The following RAB14 variants were observed in gnomAD, a reference collection of about 807,000 sequenced individuals.
RAB14 encodes ras-related protein Rab-14.
A neutral mutation model predicts 31.1 loss-of-function variants in RAB14; 3 were observed. That is an observed-to-expected ratio of 0.10 (90% CI 0.04 to 0.25). The LOEUF (loss-of-function observed/expected upper bound fraction) is 0.25. Among genes scored for constraint, RAB14 ranks in the 10% least tolerant of loss-of-function variants. The pLI is 1.00. For missense variants in RAB14, 111 were observed against 260.1 expected (o/e 0.43, Z 3.94); for synonymous variants, 85 against 84.9 (o/e 1.00, Z 0.00).
At chr9:121,189,511 C>T (rs550318348) in intron 4 of RAB14, among the ~76,000 whole-genome samples, 136 of 152,158 alleles carry the variant, frequency 8.9e-4, no homozygotes, top group African/African-American at 3.2e-3. Context: ...CCTTTGAGGC[C>T]ACCCAATTCT....
chr9:121,196,413 T>C (rs1241261320), intron 1 of RAB14, among the ~76,000 whole-genome samples: 2 of 152,178 alleles, frequency 1.3e-5, no homozygotes, highest in Non-Finnish European at 2.9e-5. Flanking sequence ...TTACTATTTA[T>C]TGGGTACTTG....
intron 1 of RAB14, among the ~76,000 whole-genome samples, chr9:121,199,312 G>A (rs2053736856): frequency 6.6e-6 from 1 of 152,180 alleles, no homozygotes; most frequent in Admixed American, 6.5e-5. Flanking sequence ...TATGCTACCT[G>A]ATTTTGTATA....
chr9:121,183,043 C>A, intron 6 of RAB14, 83 bp from the exon 7 acceptor site: 1 of 1,376,808 alleles, frequency 7.3e-7, no homozygotes, highest in Non-Finnish European at 1.0e-6. Context: ...GAAAAAGTTT[C>A]CCATCAGTTT....
intron 4 of RAB14, 129 bp downstream of exon 4, chr9:121,190,425 C>T: frequency 2.3e-6 from 2 of 882,886 alleles, no homozygotes; most frequent in Non-Finnish European, 3.2e-6. Flanking sequence ...ACTTAAGAAA[C>T]CATAAAAAAC....
intron 4 of RAB14, among the ~76,000 whole-genome samples, chr9:121,188,728 A>G (rs939926825): frequency 1.3e-5 from 2 of 152,036 alleles, no homozygotes; most frequent in African/African-American, 4.8e-5. Flanking sequence ...TGACTGCAAC[A>G]CCAAAGTCAC....
At chr9:121,192,141 A>G (rs2053690311) in intron 3 of RAB14, 30 bp downstream of exon 3, 1 of 1,464,670 alleles carries the variant, frequency 6.8e-7, no homozygotes, top group Non-Finnish European at 9.4e-7. Flanking sequence ...AAAGAAAACT[A>G]TTAATGTTTA....
At chr9:121,198,020 A>AACACACACACAC (rs58467154) in intron 1 of RAB14, among the ~76,000 whole-genome samples, 1 of 149,858 alleles carries the variant, frequency 6.7e-6, no homozygotes, top group Non-Finnish European at 1.5e-5. Context: ...CCCACTTTCA[A>AACACACACACAC]ACACACACAC....
rs886831209 is a variant in RAB14 at position 121,181,256 on chromosome 9, A to G, written c.*140T>C. ...TTGTTTAGCAGTTTAGTATTGTGTT[A>G]AACTGTTTTTACAACAGAGTTTTTT... On this transcript the variant is annotated 3_prime_UTR_variant, in exon 8 of 8. Coordinates refer to ENST00000373840, the MANE Select transcript of RAB14 (RefSeq NM_016322.4). 9 of 907,934 alleles carry G rather than the reference A, an allele frequency of 9.9e-6. No homozygotes were observed. Among genetic ancestry groups the G allele is most frequent in the Non-Finnish European group, 1.4e-5 (9 of 637,440 alleles). The allele number at this position is 907,934 out of a possible 1,614,324, so 56.2% of individuals were successfully genotyped here.
chr9:121,186,900 T>C lies in RAB14; in HGVS notation c.351+53A>G. 3.1e-6 allele frequency: 4 copies of C among 1,293,252 alleles called. No homozygotes were observed. In the East Asian group the frequency reaches 1.1e-4, roughly 35 times the overall value. The allele number at this position is 1,293,252 out of a possible 1,614,324, so 80.1% of individuals were successfully genotyped here. On this transcript the variant is annotated intron_variant, in intron 5 of 7. Transcript: ENST00000373840. ...CTCACCAGTAAATGGCTTCCCTTTT[T>C]GGGTTAGCTTAGTTCTTAAATTTTC...
intron 1 of RAB14, among the ~76,000 whole-genome samples, chr9:121,201,201 C>T (rs2053771393): frequency 1.3e-5 from 2 of 152,186 alleles, no homozygotes; most frequent in South Asian, 2.1e-4. Context: ...GGGACCGCCA[C>T]GTCTGGGGCT....
Position 121,181,724 on chromosome 9 carries a change from G to T in RAB14, c.471-151C>A, listed in dbSNP as rs555705347. The T allele has an allele frequency of 3.9e-4, 123 of 312,912 alleles. 4 individuals are homozygous for T. The South Asian group carries it at 0.011, about 28-fold the overall frequency. The allele number at this position is 312,912 out of a possible 1,614,324, so 19.4% of individuals were successfully genotyped here. On this transcript the variant is annotated intron_variant, in intron 7 of 7. Coordinates refer to ENST00000373840, the MANE Select transcript of RAB14 (RefSeq NM_016322.4). ...AGATTACCAGAACACTGAGCTAAGA[G>T]AACATGGAAAACTATTTTCCTTTTT...
In RAB14 at chr9:121,183,386, T is replaced by A. The variant is rs967456339; in HGVS notation, c.364A>T (p.Ile122Leu). The A allele has an allele frequency of 6.2e-7, 1 of 1,601,884 alleles. No homozygotes were observed. Among genetic ancestry groups the A allele is most frequent in the African/African-American group, 1.3e-5 (1 of 74,646 alleles). Residue 122 changes from isoleucine to leucine, a missense_variant, in exon 6 of 8, where the codon ATA becomes TTA. Coordinates refer to ENST00000373840, the MANE Select transcript of RAB14 (RefSeq NM_016322.4). ...GCCTCCAAATCTGCTTTATTTCCTA[T>A]GAGAATTATTACCTAATTTGTGATC... The part of the protein sequence containing the change: ...LTNPNTVIIL[I>L]GNKADLEAQR...
intron 1 of RAB14, among the ~76,000 whole-genome samples, 198 bp from the exon 2 acceptor site, chr9:121,193,617 C>T (rs1468166995): frequency 6.6e-6 from 1 of 152,134 alleles, no homozygotes; most frequent in African/African-American, 2.4e-5. Context: ...TACACATTCT[C>T]ATGTGCTATC....
chr9:121,190,488 ATTT>A (rs577410706), intron 4 of RAB14, 63 bp downstream of exon 4: 1 of 1,382,698 alleles, frequency 7.2e-7, no homozygotes, highest in Non-Finnish European at 9.7e-7. Flanking sequence ...ATGCCTATCA[ATTT>A]TTTTTTAAAT....
rs1041859885 is a variant in RAB14 at position 121,190,795 on chromosome 9, G to A, written c.107-64C>T. On this transcript the variant is annotated intron_variant, in intron 3 of 7. Coordinates refer to ENST00000373840, the MANE Select transcript of RAB14 (RefSeq NM_016322.4). Reference sequence around the variant, plus strand: ...AAAACTTCAAATTAAGCCTAGAGGGGGAAAATCCACTAAATAAGCAAATGG... The same window carrying A: ...AAAACTTCAAATTAAGCCTAGAGGGAGAAAATCCACTAAATAAGCAAATGG... 26 of 1,504,692 alleles carry A rather than the reference G, an allele frequency of 1.7e-5. No individual in the cohort carries two copies. In the African/African-American group the frequency reaches 3.1e-4, roughly 18 times the overall value. The allele number at this position is 1,504,692 out of a possible 1,614,324, so 93.2% of individuals were successfully genotyped here.
chr9:121,183,547 T>C, intron 5 of RAB14, 149 bp from the exon 6 acceptor site: 1 of 623,588 alleles, frequency 1.6e-6, no homozygotes. Context: ...TAGACAGGGC[T>C]ACAGATTCAT....
chr9:121,196,733 C>G (rs749517073), intron 1 of RAB14, among the ~76,000 whole-genome samples: 1 of 152,142 alleles, frequency 6.6e-6, no homozygotes, highest in East Asian at 1.9e-4. Context: ...GAATAAGATA[C>G]ATGAATTACA....
chr9:121,185,313 T>C (rs747453792), intron 5 of RAB14, among the ~76,000 whole-genome samples: 24 of 152,136 alleles, frequency 1.6e-4, no homozygotes, highest in Non-Finnish European at 2.4e-4. Flanking sequence ...ACTTCCCTAA[T>C]GGTAGGATGT....
At chr9:121,194,558 T>A (rs1278104181) in intron 1 of RAB14, among the ~76,000 whole-genome samples, 1 of 152,176 alleles carries the variant, frequency 6.6e-6, no homozygotes, top group African/African-American at 2.4e-5. Context: ...AAGTTTATTC[T>A]CAAACCAGCT....
Sources: allele counts gnomAD v4.1 joint callset (sites outside exome capture counted in the v4.1 genomes callset), GRCh38; gene constraint gnomAD v4.1.1; transcripts MANE v1.5; gene names NCBI Gene and HGNC (gene_info 2026-07-23, HGNC 2026-07-21).